CCDC9B: variants seen among roughly 807,000 people sequenced by gnomAD.
The protein encoded by CCDC9B is coiled-coil domain containing 9B, also known as coiled-coil domain-containing protein 9B.
CCDC9B carries 40 observed loss-of-function variants against 47.2 expected under a neutral mutation model. The observed-to-expected ratio is 0.85, with a 90% CI of 0.66 to 1.10. The LOEUF is 1.10. CCDC9B is among the 50% of genes least tolerant of loss of function. The pLI is 0.00. For synonymous variants in CCDC9B, 238 were observed against 250.7 expected, an observed-to-expected ratio of 0.95 and a Z score of 0.48; for missense variants, 662 against 651.0, an observed-to-expected ratio of 1.02 and a Z score of -0.18.
At chr15:40,338,702 G>A (rs746123374) in intron 4 of CCDC9B, 42 bp from the exon 5 acceptor site, 60 of 1,611,262 alleles carry the variant, frequency 3.7e-5, no homozygotes, top group Non-Finnish European at 3.3e-5. Context: ...AGCCAGGGAG[G>A]AAGAGGCTGC....
In CCDC9B at chr15:40,340,596, C is replaced by T. The variant is rs1300674531; in HGVS notation, c.12+212G>A. 1.4e-4 allele frequency: 78 copies of T among 562,080 alleles called. 1 individual carries two copies. The highest frequency in any genetic ancestry group is 1.3e-3 in the Admixed American group (38 of 29,622). 34.8% of individuals were successfully genotyped at this position (562,080 alleles called of 1,614,324 possible). On this transcript the variant is annotated intron_variant, in intron 1 of 10. Transcript: ENST00000397536. ...AGAGAGCCAGCTCCCCTGGCGGCCC[C>T]AGCCCAGGAGTCACCCTGGGCAAGC...
chr15:40,335,331 G>A lies in CCDC9B; in HGVS notation c.1300C>T (p.Pro434Ser). Residue 434 changes from proline to serine, a missense_variant, in exon 11 of 11, where the codon CCA becomes TCA. By Grantham distance (74) the Pro-to-Ser change is moderately conservative (BLOSUM62 -1). Transcript: ENST00000397536. ...TCTGGGAGCCCTGCTCCTCTCTGTG[G>A]CTCAGGGCAAGTCTGTACTTCCAGC... ...AELEVQTCPEPQRGAGLPEPG... is the reference protein window; with the variant it reads ...AELEVQTCPESQRGAGLPEPG... 1 of 1,613,598 alleles carries A rather than the reference G, an allele frequency of 6.2e-7. No homozygotes were observed. The highest frequency in any genetic ancestry group is 1.3e-5 in the African/African-American group (1 of 75,048).
At position 40,331,908 on chromosome 15, in the gene CCDC9B, C is replaced by G. The variant is rs558835242; in HGVS notation, c.*3250G>C. 1 of 152,542 alleles carries G rather than the reference C, an allele frequency of 6.6e-6. No homozygotes were observed. The highest frequency in any genetic ancestry group is 2.1e-4 in the South Asian group (1 of 4,830). The allele number at this position is 152,542 out of a possible 1,614,324, so 9.4% of individuals were successfully genotyped here. On this transcript the variant is annotated 3_prime_UTR_variant, in exon 11 of 11. Transcript: ENST00000397536. ...GTCTATTGCATTTCCGTCCCGCCAT[C>G]TGTCAAAAATGGGCCTGGGACGGAG... is the stretch of plus-strand genomic sequence containing the variant.
In CCDC9B at chr15:40,337,465, T is replaced by A; in HGVS notation, c.684-19A>T. ...CTGTAGCCTGTGTAGACAGAGGGAG[T>A]CAGGTTGCTGGTGCACAGAAGCTGC... On this transcript the variant is annotated intron_variant, in intron 6 of 10. Coordinates refer to ENST00000397536, the MANE Select transcript of CCDC9B (RefSeq NM_207380.3). The A allele has an allele frequency of 6.5e-7, 1 of 1,537,766 alleles. No homozygotes were observed. The highest frequency in any genetic ancestry group is 8.7e-7 in the Non-Finnish European group (1 of 1,144,258).
rs1888900539 is a variant in CCDC9B at position 40,333,696 on chromosome 15, A to C, written c.*1462T>G. The C allele has an allele frequency of 3.9e-6, 2 of 508,762 alleles. No individual in the cohort carries two copies. Among genetic ancestry groups the C allele is most frequent in the South Asian group, 1.8e-4 (2 of 11,192 alleles). The allele number at this position is 508,762 out of a possible 1,614,324, so 31.5% of individuals were successfully genotyped here. ...CTGGTCTGCTAAAGAGATGCCCCTC[A>C]CCTTCCTGAATAGAGGGGTGGGGTG... is the stretch of plus-strand genomic sequence containing the variant. On this transcript the variant is annotated 3_prime_UTR_variant, in exon 11 of 11. Coordinates refer to ENST00000397536, the MANE Select transcript of CCDC9B (RefSeq NM_207380.3).
chr15:40,335,933 T>C lies in CCDC9B; in HGVS notation c.888-107A>G, dbSNP rs183273791. On this transcript the variant is annotated intron_variant, in intron 9 of 10. Coordinates refer to ENST00000397536, the MANE Select transcript of CCDC9B (RefSeq NM_207380.3). ...GGAGTTGAGAGCCAGTGAGGAAGGC[T>C]GAGCTGGGACCCCATGGTTTAGGCC... is the stretch of plus-strand genomic sequence containing the variant. 3.2e-4 allele frequency: 487 copies of C among 1,536,216 alleles called. 3 individuals carry two copies. In the African/African-American group the frequency reaches 5.3e-3, roughly 17 times the overall value.
At chr15:40,340,583 C>T in intron 1 of CCDC9B, 2 of 552,448 alleles carry the variant, frequency 3.6e-6, no homozygotes, top group Non-Finnish European at 6.3e-6. Flanking sequence ...AGAGCCAGCT[C>T]CCCTGGCGGC....
rs779599099 is a variant in CCDC9B, at chr15:40,335,807, T to C, written c.907A>G (p.Lys303Glu). 3.1e-6 allele frequency: 5 copies of C among 1,608,466 alleles called. No homozygotes were observed. The Admixed American group carries it at 5.0e-5, about 16-fold the overall frequency. Residue 303 changes from lysine to glutamate, a missense_variant, in exon 10 of 11, where the codon AAG (lysine) becomes GAG (glutamate). By Grantham distance (56) the Lys-to-Glu change is moderately conservative (BLOSUM62 1). Coordinates refer to ENST00000397536, the MANE Select transcript of CCDC9B (RefSeq NM_207380.3). ...ACCTCCTGACCTTCCAGCTCCTCCT[T>C]GTCTTCCTTCATATCCCACCTGTAG... ...RARRWDMKED[K>E]EELEGQEGSQ...
intron 2 of CCDC9B, 121 bp from the exon 3 acceptor site, chr15:40,339,740 C>A: frequency 1.3e-6 from 2 of 1,507,048 alleles, no homozygotes; most frequent in Non-Finnish European, 8.9e-7. Context: ...CGCCACATCA[C>A]ACATCCCCAG....
At chr15:40,336,112 G>C in intron 9 of CCDC9B, 2 of 985,434 alleles carry the variant, frequency 2.0e-6, no homozygotes, top group Non-Finnish European at 2.4e-6. Flanking sequence ...ACTCCTGGCA[G>C]AAGCCAAAGC....
At chr15:40,336,145 A>G (rs1888954484) in intron 9 of CCDC9B, 1 of 985,332 alleles carries the variant, frequency 1.0e-6, no homozygotes, top group African/African-American at 1.7e-5. Flanking sequence ...GACTGGGATC[A>G]GAGCCAGAAT....
chr15:40,339,536 G>C lies in CCDC9B; in HGVS notation c.207C>G (p.Thr69=), dbSNP rs770801075. The C allele has an allele frequency of 6.2e-7, 1 of 1,613,660 alleles. No individual in the cohort carries two copies. The highest frequency in any genetic ancestry group is 8.5e-7 in the Non-Finnish European group (1 of 1,179,792). Residue 69 remains threonine, a synonymous_variant, in exon 3 of 11, where the codon ACC becomes ACG. Transcript: ENST00000397536. ...TPALLQPDGL[T]VTISQVPGEK... ...CACCGGGAACCTGGCTGATGGTAACGGTGAGGCCATCAGGCTGGAGGAGTG... is the reference window on the plus strand; with the variant it reads ...CACCGGGAACCTGGCTGATGGTAACCGTGAGGCCATCAGGCTGGAGGAGTG...
At chr15:40,336,136 A>G (rs1290949528) in intron 9 of CCDC9B, 2 of 985,296 alleles carry the variant, frequency 2.0e-6, no homozygotes, top group East Asian at 2.3e-4. Context: ...AGGGTCTCAG[A>G]CTGGGATCAG....
At chr15:40,337,936 G>A in intron 5 of CCDC9B, 43 bp from the exon 6 acceptor site, 1 of 1,557,480 alleles carries the variant, frequency 6.4e-7, no homozygotes, top group East Asian at 2.3e-5. Context: ...GAAGCAGGAA[G>A]AGGCTTGGGG....
Position 40,333,634 on chromosome 15 carries a change from CTTCAG to C in CCDC9B, c.*1519_*1523del. 1 of 148,486 alleles carries C rather than the reference CTTCAG, an allele frequency of 6.7e-6. No homozygotes were observed. The highest frequency in any genetic ancestry group is 1.4e-5 in the Non-Finnish European group (1 of 69,746). 9.2% of individuals were successfully genotyped at this position (148,486 alleles called of 1,614,324 possible). On this transcript the variant is annotated 3_prime_UTR_variant, in exon 11 of 11. Coordinates refer to ENST00000397536, the MANE Select transcript of CCDC9B (RefSeq NM_207380.3). ...CCAGACCATTAGAATCTGCATGACT[CTTCAG>C]TTAAAGTATGAGAGACACTTCTCAA...
Position 40,334,997 on chromosome 15 carries a change from C to T in CCDC9B, c.*161G>A. 1 of 608,052 alleles carries T rather than the reference C, an allele frequency of 1.6e-6. No homozygotes were observed. The allele number at this position is 608,052 out of a possible 1,614,324, so 37.7% of individuals were successfully genotyped here. A position where few individuals can be genotyped will look rare whatever the true frequency, so the allele number is the denominator to read the frequency against. On this transcript the variant is annotated 3_prime_UTR_variant, in exon 11 of 11. Transcript: ENST00000397536. The stretch of plus-strand genomic sequence containing the variant: ...GAGCGTGTGAGGTGCAGGGAGGCCA[C>T]TCCTTGCCCTCACAAGGTCGCCATG...
Position 40,332,894 on chromosome 15 carries a change from C to T in CCDC9B, c.*2264G>A, listed in dbSNP as rs1566906584. On this transcript the variant is annotated 3_prime_UTR_variant, in exon 11 of 11. Coordinates refer to ENST00000397536, the MANE Select transcript of CCDC9B (RefSeq NM_207380.3). Reference sequence around the variant, plus strand: ...CTTGAGCTTGGAGTCTTTGCCCTGGCATAGGTGTGTCTCACATACATAGGA... The same window carrying T: ...CTTGAGCTTGGAGTCTTTGCCCTGGTATAGGTGTGTCTCACATACATAGGA... The T allele has an allele frequency of 6.6e-6, 1 of 152,200 alleles. No individual in the cohort carries two copies. The highest frequency in any genetic ancestry group is 1.5e-5 in the Non-Finnish European group (1 of 68,046). The allele number at this position is 152,200 out of a possible 1,614,324, so 9.4% of individuals were successfully genotyped here.
rs773197120 is a variant in CCDC9B, at chr15:40,336,550, A to G, written c.887+24T>C. On this transcript the variant is annotated intron_variant, in intron 9 of 10. Transcript: ENST00000397536. ...TTGGGACACCCACATGCCCGTCTTG[A>G]TTTTGTCCCCTGCCACCTGTTACCT... The G allele has an allele frequency of 1.9e-5, 30 of 1,608,074 alleles. No homozygotes were observed. The South Asian group carries it at 2.2e-4, about 12-fold the overall frequency.
At chr15:40,337,144 G>A (rs1295235445) in intron 7 of CCDC9B, 27 of 641,708 alleles carry the variant, frequency 4.2e-5, no homozygotes, top group Non-Finnish European at 5.1e-5. Flanking sequence ...ACCCCGGGCC[G>A]GCTTCCACTG....
Sources: gnomAD v4.1 joint callset for allele counts on GRCh38, gnomAD v4.1.1 for gene constraint, MANE v1.5 for transcripts, NCBI Gene and HGNC (gene_info 2026-07-23, HGNC 2026-07-21) for gene names.